PIGL: variants seen among roughly 807,000 people sequenced by gnomAD.
The protein encoded by PIGL is phosphatidylinositol glycan anchor biosynthesis class L, also known as N-acetylglucosaminyl-phosphatidylinositol de-N-acetylase.
In PIGL, 22 loss-of-function variants were observed where a neutral mutation model predicts 31.1. That is an observed-to-expected ratio of 0.71 (90% CI 0.51 to 1.01). PIGL has a LOEUF of 1.01. PIGL is among the 50% of genes least tolerant of loss of function. The pLI is 0.00. For missense variants in PIGL, 302 were observed against 315.9 expected, an observed-to-expected ratio of 0.96 and a Z score of 0.33; for synonymous variants, 131 against 117.4, an observed-to-expected ratio of 1.12 and a Z score of -0.75.
chr17:16,275,443 G>A (rs7225926), intron 2 of PIGL, among the ~76,000 whole-genome samples: 7,334 of 152,148 alleles, frequency 0.048, 216 homozygotes, highest in African/African-American at 0.089. Flanking sequence ...TGTATTTTGT[G>A]CTGACCTCCT....
intron 1 of PIGL, among the ~76,000 whole-genome samples, chr17:16,221,048 A>G (rs993365653): frequency 7.9e-5 from 12 of 152,124 alleles, no homozygotes; most frequent in African/African-American, 2.9e-4. Flanking sequence ...TATAAAATAA[A>G]CCAAACATGA....
chr17:16,299,961 G>A lies in PIGL; in HGVS notation c.409G>A (p.Val137Met), dbSNP rs1168414014. The A allele has an allele frequency of 5.6e-6, 9 of 1,613,614 alleles. No homozygotes were observed. In the South Asian group the frequency reaches 8.8e-5, roughly 16 times the overall value. Reference sequence around the variant, plus strand: ...CAGAGTCCTCCTTCAGCACATAGAAGTGAATGGCATCAATCTGGTAAGGGG... The same window carrying A: ...CAGAGTCCTCCTTCAGCACATAGAAATGAATGGCATCAATCTGGTAAGGGG... The part of the protein sequence containing the change: ...VARVLLQHIE[V>M]NGINLVVTFD... The change falls in exon 3 of 7, where the codon GTG becomes ATG. Residue 137 changes from valine to methionine, a missense_variant. Coordinates refer to ENST00000225609, the MANE Select transcript of PIGL (RefSeq NM_004278.4).
At chr17:16,238,305 T>C (rs1430546462) in intron 2 of PIGL, among the ~76,000 whole-genome samples, 2 of 151,724 alleles carry the variant, frequency 1.3e-5, no homozygotes, top group African/African-American at 4.8e-5. Context: ...AAATACAATA[T>C]GACTGATTAT....
At chr17:16,251,353 G>C (rs950846694) in intron 2 of PIGL, among the ~76,000 whole-genome samples, 1 of 151,260 alleles carries the variant, frequency 6.6e-6, no homozygotes, top group African/African-American at 2.4e-5. Context: ...GGGTCAAGAG[G>C]TCAAGGTTGC....
chr17:16,269,919 A>G (rs868520183), intron 2 of PIGL, among the ~76,000 whole-genome samples: 3 of 152,118 alleles, frequency 2.0e-5, no homozygotes, highest in African/African-American at 7.2e-5. Context: ...TCATAATCTT[A>G]CACTTCATTC....
At chr17:16,265,110 A>T (rs1050389963) in intron 2 of PIGL, among the ~76,000 whole-genome samples, 1 of 152,058 alleles carries the variant, frequency 6.6e-6, no homozygotes, top group Admixed American at 6.6e-5. Flanking sequence ...TTTTTTCTGT[A>T]TGAGAAGGGA....
chr17:16,246,798 G>A (rs981327012), intron 2 of PIGL, among the ~76,000 whole-genome samples: 5 of 146,592 alleles, frequency 3.4e-5, no homozygotes, highest in African/African-American at 1.3e-4. Context: ...CCATTCTCCT[G>A]CCTCAGCCTC....
intron 2 of PIGL, among the ~76,000 whole-genome samples, chr17:16,240,916 A>G (rs1600763406): frequency 6.6e-6 from 1 of 151,482 alleles, no homozygotes; most frequent in African/African-American, 2.4e-5. Context: ...GGAGTTCGAG[A>G]CCAGCCTGAC....
At chr17:16,275,488 G>T (rs138436685) in intron 2 of PIGL, among the ~76,000 whole-genome samples, 6 of 152,132 alleles carry the variant, frequency 3.9e-5, no homozygotes, top group African/African-American at 1.4e-4. Flanking sequence ...TAACCTCCTG[G>T]GAATGCAACC....
intron 2 of PIGL, among the ~76,000 whole-genome samples, chr17:16,236,209 A>G (rs969270177): frequency 2.6e-5 from 4 of 152,194 alleles, no homozygotes; most frequent in African/African-American, 9.6e-5. Context: ...CCGTACACCT[A>G]CAGTCGTGAT....
At chr17:16,218,252 A>G (rs1263689189) in intron 1 of PIGL, 1 of 152,160 alleles carries the variant, frequency 6.6e-6, no homozygotes, top group African/African-American at 2.4e-5. Flanking sequence ...TGTCTTTCCA[A>G]TTCTTTTTCT....
intron 1 of PIGL, among the ~76,000 whole-genome samples, chr17:16,227,189 A>C (rs946117152): frequency 9.2e-5 from 14 of 151,472 alleles, no homozygotes; most frequent in African/African-American, 3.4e-4. Flanking sequence ...GCTCACTGCA[A>C]CCTCCACCTC....
intron 6 of PIGL, among the ~76,000 whole-genome samples, chr17:16,322,448 A>G (rs1314582616): frequency 6.6e-6 from 1 of 152,098 alleles, no homozygotes; most frequent in East Asian, 1.9e-4. Flanking sequence ...TTCATTTTCA[A>G]TCTTTAAAAA....
intron 6 of PIGL, among the ~76,000 whole-genome samples, chr17:16,322,281 A>G (rs2093109422): frequency 6.6e-6 from 1 of 151,364 alleles, no homozygotes; most frequent in Admixed American, 6.6e-5. Context: ...TTTAGTAGAG[A>G]CTGGGTTTCG....
At chr17:16,289,198 A>G (rs1265810766) in intron 2 of PIGL, among the ~76,000 whole-genome samples, 1 of 152,246 alleles carries the variant, frequency 6.6e-6, no homozygotes. Flanking sequence ...GCAAGGTACA[A>G]CCTTACCAGA....
chr17:16,320,970 C>T (rs1301109204), intron 6 of PIGL, among the ~76,000 whole-genome samples: 5 of 124,370 alleles, frequency 4.0e-5, no homozygotes, highest in South Asian at 5.2e-4. Context: ...CAGAGTCTTG[C>T]TCTGTCACCC....
At chr17:16,254,442 A>G (rs1449156996) in intron 2 of PIGL, among the ~76,000 whole-genome samples, 1 of 149,960 alleles carries the variant, frequency 6.7e-6, no homozygotes, top group Non-Finnish European at 1.5e-5. Flanking sequence ...CTAATTTTGT[A>G]TTTTTAGTAG....
At chr17:16,262,399 A>C (rs1287147533) in intron 2 of PIGL, among the ~76,000 whole-genome samples, 2 of 152,340 alleles carry the variant, frequency 1.3e-5, no homozygotes, top group East Asian at 1.9e-4. Context: ...CACCTACATA[A>C]ATTTTTTAAA....
chr17:16,231,612 A>G (rs2092679854), intron 1 of PIGL, among the ~76,000 whole-genome samples: 1 of 152,136 alleles, frequency 6.6e-6, no homozygotes, highest in South Asian at 2.1e-4. Flanking sequence ...TAAGTAAAAT[A>G]AAATGTTTAC....
Sources: allele counts gnomAD v4.1 joint callset (sites outside exome capture counted in the v4.1 genomes callset), GRCh38; gene constraint gnomAD v4.1.1; transcripts MANE v1.5; gene names NCBI Gene and HGNC (gene_info 2026-07-23, HGNC 2026-07-21).